KAT8: variants seen among roughly 807,000 people sequenced by gnomAD.
KAT8 encodes histone acetyltransferase KAT8.
A neutral mutation model predicts 62.9 loss-of-function variants in KAT8; 40 were observed. The observed-to-expected ratio is 0.64, with a 90% CI of 0.49 to 0.83. KAT8 has a LOEUF of 0.83. Among genes scored for constraint, KAT8 ranks in the 40% least tolerant of loss-of-function variants. The probability of loss-of-function intolerance (pLI) is 0.00; values close to 1 mark genes in which losing one functional copy is unlikely to be tolerated. For missense variants in KAT8, 387 were observed against 614.8 expected, an observed-to-expected ratio of 0.63 and a Z score of 3.92; for synonymous variants, 278 against 254.5, an observed-to-expected ratio of 1.09 and a Z score of -0.88.
intron 3 of KAT8, among the ~76,000 whole-genome samples, chr16:31,124,752 G>C (rs1221767413): frequency 2.5e-5 from 2 of 79,442 alleles, no homozygotes; most frequent in Non-Finnish European, 2.6e-5. Context: ...AAAAAAAAAA[G>C]GCTATGGCTC....
intron 6 of KAT8, among the ~76,000 whole-genome samples, chr16:31,129,227 T>C (rs1308883112): frequency 6.6e-6 from 1 of 152,186 alleles, no homozygotes; most frequent in Non-Finnish European, 1.5e-5. Context: ...GGTGACCTCT[T>C]GGGGCTTGAT....
chr16:31,130,801 A>G lies in KAT8; in HGVS notation c.1213A>G (p.Met405Val), dbSNP rs2057571447. Reference sequence around the variant, plus strand: ...CATCAGTACCCTGCAATCCCTCAATATGGTCAAGTACTGGAAGGGCCAGCA... The same window carrying G: ...CATCAGTACCCTGCAATCCCTCAATGTGGTCAAGTACTGGAAGGGCCAGCA... Reference protein sequence around the residue: ...DIISTLQSLNMVKYWKGQHVI... With the variant: ...DIISTLQSLNVVKYWKGQHVI... The change falls in exon 10 of 11, where the codon ATG (methionine) becomes GTG (valine). Residue 405 changes from methionine (M) to valine (V), a missense_variant. Coordinates refer to ENST00000219797, the MANE Select transcript of KAT8 (RefSeq NM_032188.3). 1.2e-6 allele frequency: 2 copies of G among 1,613,884 alleles called. No homozygotes were observed. Among genetic ancestry groups the G allele is most frequent in the Non-Finnish European group, 1.7e-6 (2 of 1,179,948 alleles).
In KAT8 at chr16:31,126,366, A is replaced by G. The variant is rs539003155; in HGVS notation, c.463-669A>G. 41 of 152,774 alleles carry G rather than the reference A, an allele frequency of 2.7e-4. No homozygotes were observed. In the South Asian group the frequency reaches 8.3e-3, roughly 31 times the overall value. 9.5% of individuals were successfully genotyped at this position (152,774 alleles called of 1,614,324 possible). A position where few individuals can be genotyped will look rare whatever the true frequency, so the allele number is the denominator to read the frequency against. On this transcript the variant is annotated intron_variant, in intron 3 of 10. Transcript: ENST00000219797. ...AGAGGAGAATTCCAGAGAGGGCCCA[A>G]TTCCAGAGATGTCAGAAGTAGACTC...
intron 6 of KAT8, 52 bp from the exon 7 acceptor site, chr16:31,129,965 G>A (rs1381382479): frequency 6.2e-7 from 1 of 1,600,228 alleles, no homozygotes; most frequent in Non-Finnish European, 8.5e-7. Context: ...GAACCAGCTG[G>A]GTGGGGCCTG....
intron 1 of KAT8, 91 bp from the exon 2 acceptor site, chr16:31,120,095 G>T (rs1179478652): frequency 3.0e-6 from 3 of 1,008,358 alleles, no homozygotes; most frequent in Non-Finnish European, 4.7e-6. Flanking sequence ...CTGATGTGTG[G>T]CCCTGAACTC....
intron 3 of KAT8, among the ~76,000 whole-genome samples, chr16:31,124,731 CAA>C (rs551229166): frequency 1.8e-4 from 11 of 61,064 alleles, no homozygotes; most frequent in Non-Finnish European, 1.8e-4. Context: ...GGCTCCATTT[CAA>C]AAAAAAAAAA....
At position 31,127,093 on chromosome 16, in the gene KAT8, G is replaced by A; in HGVS notation, c.516+5G>A. On this transcript the variant is annotated splice_donor_5th_base_variant and intron_variant, in intron 4 of 10. Coordinates refer to ENST00000219797, the MANE Select transcript of KAT8 (RefSeq NM_032188.3). ...TTGGAGAAGGAGCATGAGGCGGTAAGTGGGGCTGGGAAGCTGCCTGCAGGT... is the reference window on the plus strand; with the variant it reads ...TTGGAGAAGGAGCATGAGGCGGTAAATGGGGCTGGGAAGCTGCCTGCAGGT... 6.2e-7 allele frequency: 1 copy of A among 1,614,206 alleles called. No homozygotes were observed. The highest frequency in any genetic ancestry group is 2.2e-5 in the East Asian group (1 of 44,870).
At chr16:31,128,164 A>AGAGGCCGGG (rs762707454) in intron 6 of KAT8, 25 bp downstream of exon 6, 1 of 1,590,960 alleles carries the variant, frequency 6.3e-7, no homozygotes, top group Non-Finnish European at 8.6e-7. Flanking sequence ...AGGGGTTGGG[A>AGAGGCCGGG]GAGGCCGGGG....
rs1461182041 is a variant in KAT8, at chr16:31,130,886, A to C, written c.1298A>C (p.Lys433Thr). Residue 433 changes from lysine (K) to threonine (T), a missense_variant, in exon 10 of 11, where the codon AAA becomes ACA. By Grantham distance (78) the Lys-to-Thr change is moderately conservative (BLOSUM62 -1). Coordinates refer to ENST00000219797, the MANE Select transcript of KAT8 (RefSeq NM_032188.3). ...CACCTCAAAAGTGCCCAGTATAAGA[A>C]ACCACCCATCACAGGTGGGTGGGGG... ...EEHLKSAQYK[K>T]PPITVDSVCL... 6.2e-7 allele frequency: 1 copy of C among 1,612,142 alleles called. No homozygotes were observed. Among genetic ancestry groups the C allele is most frequent in the East Asian group, 2.2e-5 (1 of 44,858 alleles).
chr16:31,123,098 G>A (rs1413255767), intron 3 of KAT8, among the ~76,000 whole-genome samples: 5 of 152,058 alleles, frequency 3.3e-5, no homozygotes, highest in African/African-American at 4.8e-5. Context: ...CAGGAGAATC[G>A]CTTGAGCCCA....
chr16:31,122,750 G>A (rs1292457003), intron 3 of KAT8, among the ~76,000 whole-genome samples: 7 of 151,862 alleles, frequency 4.6e-5, no homozygotes, highest in African/African-American at 1.5e-4. Flanking sequence ...GCGTGGTGGC[G>A]TGCACCTGTA....
At chr16:31,130,703 C>A in intron 9 of KAT8, 43 bp from the exon 10 acceptor site, 1 of 1,612,066 alleles carries the variant, frequency 6.2e-7, no homozygotes, top group Non-Finnish European at 8.5e-7. Context: ...CCAGATCCCA[C>A]AAGGGCACCA....
chr16:31,118,767 C>A (rs915286427), intron 1 of KAT8: 2 of 152,088 alleles, frequency 1.3e-5, no homozygotes, highest in African/African-American at 2.4e-5. Context: ...GGGCCAGACA[C>A]GTAGTGGTTG....
At chr16:31,121,694 G>A (rs1333520565) in intron 3 of KAT8, among the ~76,000 whole-genome samples, 1 of 152,072 alleles carries the variant, frequency 6.6e-6, no homozygotes, top group Non-Finnish European at 1.5e-5. Context: ...CTACAGGAGT[G>A]CATCCCTGTA....
At chr16:31,121,988 C>T (rs758246010) in intron 3 of KAT8, among the ~76,000 whole-genome samples, 15 of 151,816 alleles carry the variant, frequency 9.9e-5, no homozygotes, top group East Asian at 3.9e-4. Context: ...TGGTCTCAAG[C>T]GATCCTCCTG....
Position 31,117,760 on chromosome 16 carries a change from GA to G in KAT8, c.80del (p.Glu27GlyfsTer49). The G allele has an allele frequency of 7.2e-7, 1 of 1,382,142 alleles. No homozygotes were observed. Among genetic ancestry groups the G allele is most frequent in the Non-Finnish European group, 9.4e-7 (1 of 1,059,118 alleles). The allele number at this position is 1,382,142 out of a possible 1,614,324, so 85.6% of individuals were successfully genotyped here. ...VAGEGEPGPG[E>X]NAAAEGTAPS... ...GGGGGAGGGCGAGCCCGGGCCCGGG[GA>G]GAATGCGGCCGCTGAGGGGACCGCC... On this transcript the variant is annotated frameshift_variant, in exon 1 of 11. Transcript: ENST00000219797. LOFTEE classifies it high-confidence loss of function.
At chr16:31,124,781 C>T (rs2057521963) in intron 3 of KAT8, among the ~76,000 whole-genome samples, 1 of 145,514 alleles carries the variant, frequency 6.9e-6, no homozygotes, top group African/African-American at 2.5e-5. Flanking sequence ...AATCCCAGCA[C>T]TTTGAGAGGC....
Position 31,130,837 on chromosome 16 carries a change from G to C in KAT8, c.1249G>C (p.Val417Leu). ...CTGGAAGGGCCAGCACGTGATCTGT[G>C]TCACACCCAAGCTGGTGGAGGAGCA... ...KYWKGQHVIC[V>L]TPKLVEEHLK... Residue 417 changes from valine to leucine, a missense_variant, in exon 10 of 11, where the codon GTC becomes CTC. This residue lies in a region of KAT8 where 75 missense variants were observed against 105.7 expected (regional missense o/e 0.71). Transcript: ENST00000219797. 1 of 1,613,692 alleles carries C rather than the reference G, an allele frequency of 6.2e-7. No homozygotes were observed. The highest frequency in any genetic ancestry group is 8.5e-7 in the Non-Finnish European group (1 of 1,179,992).
At chr16:31,127,391 C>T in intron 5 of KAT8, 38 bp downstream of exon 5, 1 of 1,608,924 alleles carries the variant, frequency 6.2e-7, no homozygotes. Flanking sequence ...GGGCAGGGGC[C>T]CGGTGAGAGG....
Sources: gnomAD v4.1 joint callset for allele counts (sites outside exome capture counted in the v4.1 genomes callset) on GRCh38, gnomAD v4.1.1 for gene constraint, gnomAD v4.1.1 regional missense constraint, MANE v1.5 for transcripts, NCBI Gene and HGNC (gene_info 2026-07-23, HGNC 2026-07-21) for gene names.